The following SEC14L1 variants were observed in gnomAD, a reference collection of about 807,000 sequenced individuals.
SEC14L1 encodes the protein SEC14 like lipid binding 1, also known as SEC14-like protein 1.
In SEC14L1, 48 loss-of-function variants were observed where a neutral mutation model predicts 85.3. The ratio of observed to expected loss-of-function variants is 0.56; its 90% confidence interval spans 0.45 to 0.72. The LOEUF is 0.72. SEC14L1 is among the 30% of genes least tolerant of loss of function. SEC14L1 has a pLI of 0.00. For missense variants in SEC14L1, 682 were observed against 921.4 expected (o/e 0.74, Z 3.36); for synonymous variants, 391 against 355.5 (o/e 1.10, Z -1.12).
intron 3 of SEC14L1, among the ~76,000 whole-genome samples, chr17:77,123,242 G>C (rs1972348614): frequency 1.3e-5 from 2 of 151,186 alleles, no homozygotes; most frequent in South Asian, 4.2e-4. Flanking sequence ...GTAGAGATGG[G>C]GATTCACCAT....
At position 77,208,629 on chromosome 17, in the gene SEC14L1, C is replaced by T. The variant is rs374352161; in HGVS notation, c.1477-713C>T. Among the ~76,000 whole-genome samples the T allele has an allele frequency of 2.6e-5, 4 of 152,178 alleles. No individual in the cohort carries two copies. In the East Asian group the frequency reaches 5.8e-4, roughly 22 times the overall value. On this transcript the variant is annotated intron_variant, in intron 13 of 16. Transcript: ENST00000436233. ...CTGGTGGCCGGAGGTTACTAACCAG[C>T]GGGCAGTCTGGTATTTTTCCACCAC...
intron 9 of SEC14L1, among the ~76,000 whole-genome samples, chr17:77,201,255 C>T (rs1440583066): frequency 5.9e-5 from 9 of 152,148 alleles, no homozygotes; most frequent in East Asian, 1.9e-4. Flanking sequence ...GTCAAAAATA[C>T]ACTCTTTCCT....
At chr17:77,120,455 G>A (rs148132519) in intron 3 of SEC14L1, among the ~76,000 whole-genome samples, 15 of 151,990 alleles carry the variant, frequency 9.9e-5, no homozygotes, top group Non-Finnish European at 2.1e-4. Context: ...AGGCTGCCCC[G>A]GAGTTTCTGA....
chr17:77,124,689 T>G (rs1598255631), intron 3 of SEC14L1, among the ~76,000 whole-genome samples: 1 of 152,294 alleles, frequency 6.6e-6, no homozygotes, highest in East Asian at 1.9e-4. Context: ...CATTCCAGCA[T>G]TGCAAAGTTG....
upstream of SEC14L1, among the ~76,000 whole-genome samples, chr17:77,140,499 G>A (rs896556714): frequency 1.3e-5 from 2 of 152,260 alleles, no homozygotes; most frequent in Admixed American, 1.3e-4. Context: ...GGGGGCAGCC[G>A]CCAGGGCGAC....
chr17:77,126,031 A>G (rs563296848), intron 3 of SEC14L1, among the ~76,000 whole-genome samples: 25 of 152,214 alleles, frequency 1.6e-4, no homozygotes, highest in Non-Finnish European at 3.1e-4. Context: ...CATGCCTGTA[A>G]TCCCAGCTAC....
intron 3 of SEC14L1, among the ~76,000 whole-genome samples, chr17:77,115,197 G>A (rs560317902): frequency 6.6e-5 from 10 of 152,036 alleles, no homozygotes; most frequent in African/African-American, 9.6e-5. Flanking sequence ...TTGGGAGGCC[G>A]AGGTGGGTGG....
At chr17:77,118,538 G>A (rs997098840) in intron 3 of SEC14L1, among the ~76,000 whole-genome samples, 1 of 152,196 alleles carries the variant, frequency 6.6e-6, no homozygotes, top group African/African-American at 2.4e-5. Flanking sequence ...AAGGGCAATG[G>A]ACATGCTTCT....
At chr17:77,140,546 G>A (rs539886197), upstream of SEC14L1, among the ~76,000 whole-genome samples, 329 of 152,352 alleles carry the variant, frequency 2.2e-3, 1 homozygote, top group African/African-American at 7.7e-3. Flanking sequence ...ATACGGGAGG[G>A]CCCCGGTGGT....
intron 3 of SEC14L1, among the ~76,000 whole-genome samples, chr17:77,181,757 T>G (rs1975049734): frequency 6.6e-6 from 1 of 152,206 alleles, no homozygotes; most frequent in Non-Finnish European, 1.5e-5. Flanking sequence ...ATAAGCCATG[T>G]TCCTGTGCCT....
At chr17:77,202,478 G>C (rs1976201214) in intron 9 of SEC14L1, among the ~76,000 whole-genome samples, 1 of 152,330 alleles carries the variant, frequency 6.6e-6, no homozygotes, top group South Asian at 2.1e-4. Context: ...AATTAGCTGG[G>C]CGTGGTGGCA....
At chr17:77,154,636 T>G (rs1567897800) in intron 3 of SEC14L1, among the ~76,000 whole-genome samples, 4 of 87,388 alleles carry the variant, frequency 4.6e-5, no homozygotes, top group Non-Finnish European at 3.0e-5. Flanking sequence ...TGGTTTTTTT[T>G]GTTTTTTTTT....
chr17:77,176,734 C>A (rs1189204598), intron 3 of SEC14L1, among the ~76,000 whole-genome samples: 1 of 152,098 alleles, frequency 6.6e-6, no homozygotes, highest in African/African-American at 2.4e-5. Flanking sequence ...TTACAGGTGC[C>A]TACCACCATG....
intron 3 of SEC14L1, among the ~76,000 whole-genome samples, chr17:77,128,696 C>T (rs1227558510): frequency 2.6e-5 from 4 of 151,904 alleles, no homozygotes; most frequent in Non-Finnish European, 4.4e-5. Context: ...TCAGGTGATC[C>T]ACCTGCCTCG....
chr17:77,206,192 G>C lies in SEC14L1; in HGVS notation c.1170-37G>C. On this transcript the variant is annotated intron_variant, in intron 11 of 16. Coordinates refer to ENST00000436233, the MANE Select transcript of SEC14L1 (RefSeq NM_001143998.2). The surrounding 1 kb of genome is among the most constrained non-coding windows in gnomAD (Gnocchi z 4.3). The stretch of plus-strand genomic sequence containing the variant: ...TAAGACACAGTTTGCTAAGTGTGCT[G>C]TCTGTTGAATGAAACACATCTCTGC... The C allele has an allele frequency of 2.5e-6, 4 of 1,595,498 alleles. No homozygotes were observed. Among genetic ancestry groups the C allele is most frequent in the South Asian group, 2.2e-5 (2 of 90,032 alleles).
chr17:77,099,307 C>T (rs1359259342), intron 3 of SEC14L1: 2 of 152,220 alleles, frequency 1.3e-5, no homozygotes, highest in African/African-American at 2.4e-5. Context: ...CCGTAAGCCA[C>T]ATTTTACCTT....
At chr17:77,100,426 C>CTTTTTT (rs1459984586) in intron 3 of SEC14L1, among the ~76,000 whole-genome samples, 1 of 54,798 alleles carries the variant, frequency 1.8e-5, no homozygotes, top group Non-Finnish European at 3.1e-5. Flanking sequence ...CTCTCTCTCT[C>CTTTTTT]TCTTTTTTTT....
intron 3 of SEC14L1, among the ~76,000 whole-genome samples, chr17:77,179,917 C>T (rs1419461993): frequency 6.6e-6 from 1 of 151,974 alleles, no homozygotes; most frequent in Non-Finnish European, 1.5e-5. Flanking sequence ...GACCTTGTGA[C>T]CCGCCCGCCT....
In SEC14L1 at chr17:77,215,202, T is replaced by C. The variant is rs530527829; in HGVS notation, c.*1179T>C. ...AATCAGAATATGGGATTTGTTTGCC[T>C]TTTACATTTTGTTTAATTCCTGATT... is the stretch of plus-strand genomic sequence containing the variant. On this transcript the variant is annotated 3_prime_UTR_variant, in exon 17 of 17. Transcript: ENST00000436233. The C allele has an allele frequency of 2.0e-6, 2 of 985,400 alleles. No individual in the cohort carries two copies. The highest frequency in any genetic ancestry group is 9.4e-5 in the South Asian group (2 of 21,298). The allele number at this position is 985,400 out of a possible 1,614,324, so 61.0% of individuals were successfully genotyped here.
Sources: gnomAD v4.1 joint callset for allele counts (sites outside exome capture counted in the v4.1 genomes callset) on GRCh38, gnomAD v4.1.1 for gene constraint, Gnocchi (gnomAD v3.1) non-coding constraint, MANE v1.5 for transcripts, NCBI Gene and HGNC (gene_info 2026-07-23, HGNC 2026-07-21) for gene names.